COL6A2: variants seen among roughly 807,000 people sequenced by gnomAD.
COL6A2 encodes the protein collagen type VI alpha 2 chain.
A neutral mutation model predicts 124.9 loss-of-function variants in COL6A2; 90 were observed. The ratio of observed to expected loss-of-function variants is 0.72; its 90% CI spans 0.61 to 0.86. The LOEUF (loss-of-function observed/expected upper bound fraction) is 0.86, where lower values mean the gene tolerates loss of function less well. COL6A2 is among the 40% of genes least tolerant of loss of function. The probability of loss-of-function intolerance (pLI) is 0.00; values close to 1 mark genes in which losing one functional copy is unlikely to be tolerated. For missense variants in COL6A2, 1,607 were observed against 1,502.5 expected (o/e 1.07, Z -1.15); for synonymous variants, 793 against 618.2 (o/e 1.28, Z -4.19).
At chr21:46,128,559 G>C (rs969830865) in intron 27 of COL6A2, among the ~76,000 whole-genome samples, 2 of 152,200 alleles carry the variant, frequency 1.3e-5, no homozygotes, top group African/African-American at 4.8e-5. Context: ...CAGCAGGCCT[G>C]TGGAGTTCTC....
intron 16 of COL6A2, 52 bp downstream of exon 16, chr21:46,120,629 AG>A (rs1271139030): frequency 2.3e-5 from 32 of 1,415,500 alleles, no homozygotes; most frequent in South Asian, 1.2e-4. Flanking sequence ...GAGGGGGTGC[AG>A]GGGGGCTGCA....
chr21:46,120,891 T>G (rs1176404600), intron 16 of COL6A2, among the ~76,000 whole-genome samples, 170 bp from the exon 17 acceptor site: 1 of 152,100 alleles, frequency 6.6e-6, no homozygotes, highest in Non-Finnish European at 1.5e-5. Flanking sequence ...CCACTCAGTG[T>G]GCTCAGGGCT....
rs768632418 is a variant in COL6A2 at position 46,125,460 on chromosome 21, C to CG, written c.1817-5_1817-4insG. On this transcript the variant is annotated splice_region_variant and splice_polypyrimidine_tract_variant and intron_variant, in intron 24 of 27. Transcript: ENST00000300527. ...TACCCCCCGATGACCCTGCCACCCC[C>CG]CCAGACTGTGAGAAGCGCTGTGGCG... 1.2e-6 allele frequency: 2 copies of CG among 1,612,768 alleles called. No individual in the cohort carries two copies. Among genetic ancestry groups the CG allele is most frequent in the African/African-American group, 1.3e-5 (1 of 74,924 alleles).
rs1364941051 is a variant in COL6A2, at chr21:46,131,901, C to T, written c.2462-53C>T. ...GGCACAGGTGCGGGGCTGGCACCTG[C>T]CCGGTCCTGCCCACCTCCCCTCCGC... On this transcript the variant is annotated intron_variant, in intron 27 of 27. Transcript: ENST00000300527. The T allele has an allele frequency of 2.5e-5, 38 of 1,501,396 alleles. 1 individual carries two copies. In the East Asian group the frequency reaches 6.4e-4, roughly 25 times the overall value. 93.0% of individuals were successfully genotyped at this position (1,501,396 alleles called of 1,614,324 possible). A position where few individuals can be genotyped will look rare whatever the true frequency, so the allele number is the denominator to read the frequency against.
intron 23 of COL6A2, among the ~76,000 whole-genome samples, 168 bp from the exon 24 acceptor site, chr21:46,125,095 TGGG>T (rs370833123): frequency 6.6e-6 from 1 of 150,972 alleles, no homozygotes; most frequent in African/African-American, 2.4e-5. Context: ...GCAAGGTTGG[TGGG>T]GGGAGGAGGG....
rs756334987 is a variant in COL6A2, at chr21:46,112,378, G to A, written c.515G>A (p.Gly172Asp). The change falls in exon 3 of 28, where the codon GGC becomes GAC. Residue 172 changes from glycine to aspartate, a missense_variant. Gly to Asp is a moderately conservative substitution (Grantham distance 94). This residue lies in a region of COL6A2 where 342 missense variants were observed against 381.5 expected (regional missense o/e 0.90). Transcript: ENST00000300527. ...CACGTCACCGGCAGCCCCTGCGGGG[G>A]CATCAAGCTGCAGGCCGAGCGGGCC... ...DGHVTGSPCG[G>D]IKLQAERARE... 1.9e-6 allele frequency: 3 copies of A among 1,607,968 alleles called. No homozygotes were observed. Among genetic ancestry groups the A allele is most frequent in the Non-Finnish European group, 2.5e-6 (3 of 1,178,444 alleles).
At chr21:46,128,392 G>A (rs1158643105) in intron 27 of COL6A2, among the ~76,000 whole-genome samples, 4 of 152,346 alleles carry the variant, frequency 2.6e-5, no homozygotes, top group Middle Eastern at 3.4e-3. Flanking sequence ...TCCAGGAGAT[G>A]CAGCAGGGAC....
rs544432685 is a variant in COL6A2 at position 46,119,009 on chromosome 21, T to G, written c.1180-21T>G. Reference sequence around the variant, plus strand: ...CAGGGCCCCTGCCTCTGGGTGACTGTGCTGTCCTCTCCTTCTTCAGGGGTA... The same window carrying G: ...CAGGGCCCCTGCCTCTGGGTGACTGGGCTGTCCTCTCCTTCTTCAGGGGTA... On this transcript the variant is annotated intron_variant, in intron 13 of 27. Transcript: ENST00000300527. 12 of 1,571,596 alleles carry G rather than the reference T, an allele frequency of 7.6e-6. No individual in the cohort carries two copies. The African/African-American group carries it at 1.1e-4, about 14-fold the overall frequency.
At chr21:46,109,750 G>A (rs1445731441) in intron 1 of COL6A2, among the ~76,000 whole-genome samples, 1 of 152,202 alleles carries the variant, frequency 6.6e-6, no homozygotes, top group African/African-American at 2.4e-5. Context: ...CTCTGAGATT[G>A]GAGTGGGTGG....
chr21:46,122,251 C>T (rs937432074), intron 19 of COL6A2, 93 bp downstream of exon 19: 2 of 1,437,492 alleles, frequency 1.4e-6, no homozygotes, highest in Non-Finnish European at 1.9e-6. Flanking sequence ...AAGGCCTCCT[C>T]TGTGCAGAAG....
Position 46,125,069 on chromosome 21 carries a change from TG to T in COL6A2, c.1770+153del, listed in dbSNP as rs1601247399. ...GGCAAGGTCAGAGAGCAAGCTTGGT[TG>T]GGGAAGGTCACAGGGCAAGGTTGGT... is the stretch of plus-strand genomic sequence containing the variant. On this transcript the variant is annotated intron_variant, in intron 23 of 27. Coordinates refer to ENST00000300527, the MANE Select transcript of COL6A2 (RefSeq NM_001849.4). 11 of 1,208,912 alleles carry T rather than the reference TG, an allele frequency of 9.1e-6. No individual in the cohort carries two copies. In the East Asian group the frequency reaches 2.4e-4, roughly 26 times the overall value. 74.9% of individuals were successfully genotyped at this position (1,208,912 alleles called of 1,614,324 possible).
chr21:46,123,296 C>T (rs1396372310), intron 21 of COL6A2, among the ~76,000 whole-genome samples: 6 of 150,484 alleles, frequency 4.0e-5, no homozygotes, highest in African/African-American at 1.2e-4. Context: ...GCATCCCCTC[C>T]AGAGTCCCCT....
chr21:46,099,889 C>CTTTTTTTTTTT lies in COL6A2; in HGVS notation c.-28+1729_-28+1739dup, dbSNP rs869028897. ...TCTCCACAATGGATAGCAGCACTGT[C>CTTTTTTTTTTT]TTTTTTTTTTTTTTTTTTTTTTTCT... On this transcript the variant is annotated intron_variant, in intron 1 of 27. Transcript: ENST00000300527. 2.5e-3 allele frequency among the ~76,000 whole-genome samples: 228 copies of CTTTTTTTTTTT among 91,800 alleles called. 9 individuals carry two copies. Among genetic ancestry groups the CTTTTTTTTTTT allele is most frequent in the Non-Finnish European group, 3.3e-3 (159 of 47,638 alleles). The allele number at this position is 91,800 out of a possible 152,430, so 60.2% of individuals were successfully genotyped here.
intron 21 of COL6A2, among the ~76,000 whole-genome samples, chr21:46,124,116 T>G: frequency 6.7e-6 from 1 of 148,414 alleles, no homozygotes; most frequent in East Asian, 2.0e-4. Flanking sequence ...GACAGGTGAG[T>G]GGGTGGGTGG....
chr21:46,127,833 C>T (rs1039456107), intron 27 of COL6A2, among the ~76,000 whole-genome samples: 1 of 152,210 alleles, frequency 6.6e-6, no homozygotes, highest in Non-Finnish European at 1.5e-5. Flanking sequence ...GTGGATGTCA[C>T]GTGACCTTTC....
At chr21:46,123,812 G>GTGGATGAA (rs2078608766) in intron 21 of COL6A2, among the ~76,000 whole-genome samples, 1 of 142,552 alleles carries the variant, frequency 7.0e-6, no homozygotes, top group African/African-American at 2.7e-5. Flanking sequence ...TAGTGGGTGG[G>GTGGATGAA]TGGATGAATG....
In COL6A2 at chr21:46,117,836, C is replaced by T. The variant is rs368726576; in HGVS notation, c.1054-38C>T. The T allele has an allele frequency of 3.8e-5, 61 of 1,588,832 alleles. 1 individual carries two copies. In the African/African-American group the frequency reaches 4.5e-4, roughly 12 times the overall value. ...CCTGGCTCATGGGGAGAACCCCACC[C>T]GCCGTGTGCCGAGCTCCACCTCTCA... is the stretch of plus-strand genomic sequence containing the variant. On this transcript the variant is annotated intron_variant, in intron 11 of 27. Transcript: ENST00000300527.
At chr21:46,122,212 G>A in intron 19 of COL6A2, 54 bp downstream of exon 19, 3 of 1,589,190 alleles carry the variant, frequency 1.9e-6, no homozygotes, top group Non-Finnish European at 2.6e-6. Flanking sequence ...ATTGTCCCAA[G>A]GGCCCTGAAG....
chr21:46,117,588 A>T, intron 11 of COL6A2, 135 bp downstream of exon 11: 1 of 932,476 alleles, frequency 1.1e-6, no homozygotes, highest in Non-Finnish European at 1.7e-6. Context: ...CAGCAGCCCC[A>T]GCCCAGCATT....
Sources: gnomAD v4.1 joint callset for allele counts (sites outside exome capture counted in the v4.1 genomes callset) on GRCh38, gnomAD v4.1.1 for gene constraint, gnomAD v4.1.1 regional missense constraint, MANE v1.5 for transcripts, NCBI Gene and HGNC (gene_info 2026-07-23, HGNC 2026-07-21) for gene names.